Variants in NCOA3 observed in about 807,000 individuals in gnomAD.
NCOA3 encodes the protein nuclear receptor coactivator 3, also known as CBP-interacting protein.
NCOA3 carries 51 observed loss-of-function variants against 158.8 expected under a neutral mutation model. The observed-to-expected ratio is 0.32, with a 90% CI of 0.26 to 0.41. The LOEUF is 0.41. Ranked by LOEUF, NCOA3 falls within the 10% of genes least tolerant of loss-of-function variation. The pLI, the probability that NCOA3 is intolerant of heterozygous loss-of-function variation, is 1.00. For missense variants in NCOA3, 1,510 were observed against 1,746.6 expected (o/e 0.86, Z 2.41); for synonymous variants, 537 against 592.4 (o/e 0.91, Z 1.36).
intron 17 of NCOA3, among the ~76,000 whole-genome samples, chr20:47,645,361 G>T (rs2086670625): frequency 1.3e-5 from 2 of 151,932 alleles, no homozygotes; most frequent in Admixed American, 1.3e-4. Context: ...ACCATGCTCT[G>T]ATCCCCTACC....
Position 47,656,700 on chromosome 20 carries a change from G to C in NCOA3, c.*3283G>C, listed in dbSNP as rs1312563774. ...TTCTCAGGAATTGACTTATACTCTTGAGAATGAATTCAGTTTCAATCAAGT... is the reference window on the plus strand; with the variant it reads ...TTCTCAGGAATTGACTTATACTCTTCAGAATGAATTCAGTTTCAATCAAGT... On this transcript the variant is annotated 3_prime_UTR_variant, in exon 23 of 23. Coordinates refer to ENST00000371998, the MANE Select transcript of NCOA3 (RefSeq NM_181659.3). 1 of 152,448 alleles carries C rather than the reference G, an allele frequency of 6.6e-6. No individual in the cohort carries two copies. The highest frequency in any genetic ancestry group is 1.5e-5 in the Non-Finnish European group (1 of 68,014). 9.4% of individuals were successfully genotyped at this position (152,448 alleles called of 1,614,324 possible).
intron 2 of NCOA3, among the ~76,000 whole-genome samples, chr20:47,615,473 CTT>C (rs1177352371): frequency 6.6e-6 from 1 of 152,164 alleles, no homozygotes; most frequent in Admixed American, 6.5e-5. Flanking sequence ...TATAATCAAA[CTT>C]TTTCCCTCCT....
At chr20:47,648,665 A>T (rs1385544723) in intron 18 of NCOA3, among the ~76,000 whole-genome samples, 3 of 151,876 alleles carry the variant, frequency 2.0e-5, no homozygotes, top group Admixed American at 2.0e-4. Flanking sequence ...GGGTTTCTTC[A>T]TGTTGCCCAG....
At position 47,635,668 on chromosome 20, in the gene NCOA3, C is replaced by T. The variant is rs746670862; in HGVS notation, c.1459C>T (p.Arg487Cys). ...QQNIMISPRN[R>C]GSPKIASHQF... ...GAATATCATGATTTCTCCTCGTAAT[C>T]GTGGGAGTCCAAAGATAGCCTCACA... is the stretch of plus-strand genomic sequence containing the variant. The change falls in exon 11 of 23, where the codon CGT becomes TGT. Residue 487 changes from arginine (R) to cysteine (C), a missense_variant. Physicochemically the swap from Arg to Cys is radical, Grantham distance 180 (BLOSUM62 -3). Coordinates refer to ENST00000371998, the MANE Select transcript of NCOA3 (RefSeq NM_181659.3). The T allele has an allele frequency of 3.1e-6, 5 of 1,614,014 alleles. No homozygotes were observed. Among genetic ancestry groups the T allele is most frequent in the Admixed American group, 3.3e-5 (2 of 60,000 alleles).
At chr20:47,605,016 T>C (rs2085921378) in intron 2 of NCOA3, among the ~76,000 whole-genome samples, 1 of 152,088 alleles carries the variant, frequency 6.6e-6, no homozygotes, top group African/African-American at 2.4e-5. Context: ...TACAGGCGCA[T>C]GCCACTACCC....
intron 1 of NCOA3, among the ~76,000 whole-genome samples, chr20:47,519,301 G>T (rs112557844): frequency 6.6e-6 from 1 of 150,954 alleles, no homozygotes; most frequent in Admixed American, 6.6e-5. Context: ...GCGTGGTGGC[G>T]TGTGCCTGTA....
At position 47,625,362 on chromosome 20, in the gene NCOA3, C is replaced by T. The variant is rs761966879; in HGVS notation, c.257-19C>T. On this transcript the variant is annotated intron_variant, in intron 4 of 22. Coordinates refer to ENST00000371998, the MANE Select transcript of NCOA3 (RefSeq NM_181659.3). Reference sequence around the variant, plus strand: ...AACTGATAGTGTGTTATTCGTTATACCACCTTCTGTCTTTTCAGGAAAAAC... The same window carrying T: ...AACTGATAGTGTGTTATTCGTTATATCACCTTCTGTCTTTTCAGGAAAAAC... 8.5e-6 allele frequency: 13 copies of T among 1,537,188 alleles called. No homozygotes were observed. In the Admixed American group the frequency reaches 1.0e-4, roughly 12 times the overall value.
rs2086812715 is a variant in NCOA3, at chr20:47,652,483, C to T, written c.4024C>T (p.Pro1342Ser). ...PNAMMSSRMG[P>S]SQNPMMQHPQ... Reference sequence around the variant, plus strand: ...TGCAATGATGTCGTCAAGAATGGGTCCCTCCCAGAATCCCATGATGCAACA... The same window carrying T: ...TGCAATGATGTCGTCAAGAATGGGTTCCTCCCAGAATCCCATGATGCAACA... The change falls in exon 21 of 23, where the codon CCC (proline) becomes TCC (serine). Residue 1342 changes from proline to serine, a missense_variant. Coordinates refer to ENST00000371998, the MANE Select transcript of NCOA3 (RefSeq NM_181659.3). 2 of 1,613,976 alleles carry T rather than the reference C, an allele frequency of 1.2e-6. No individual in the cohort carries two copies. The highest frequency in any genetic ancestry group is 1.1e-5 in the South Asian group (1 of 91,074).
At chr20:47,522,023 C>G (rs2084342818) in intron 1 of NCOA3, among the ~76,000 whole-genome samples, 2 of 150,366 alleles carry the variant, frequency 1.3e-5, no homozygotes, top group African/African-American at 4.9e-5. Flanking sequence ...TCCATGAACA[C>G]ATTGTATATC....
intron 1 of NCOA3, among the ~76,000 whole-genome samples, chr20:47,549,302 A>T (rs2084891616): frequency 6.6e-6 from 1 of 151,910 alleles, no homozygotes; most frequent in South Asian, 2.1e-4. Context: ...TGAGAGGATC[A>T]CTTAAGCCCA....
At chr20:47,539,890 A>G (rs2146125904) in intron 1 of NCOA3, among the ~76,000 whole-genome samples, 1 of 152,356 alleles carries the variant, frequency 6.6e-6, no homozygotes, top group East Asian at 1.9e-4. Context: ...ACTGCCAATA[A>G]CATGACATAT....
chr20:47,643,742 T>A (rs1308644459), intron 17 of NCOA3, among the ~76,000 whole-genome samples: 1 of 152,122 alleles, frequency 6.6e-6, no homozygotes, highest in African/African-American at 2.4e-5. Flanking sequence ...GGGTTCTATG[T>A]GTCTGAAAAT....
At chr20:47,644,737 G>A (rs534750484) in intron 17 of NCOA3, among the ~76,000 whole-genome samples, 7 of 151,492 alleles carry the variant, frequency 4.6e-5, no homozygotes, top group Non-Finnish European at 7.4e-5. Context: ...TCTCCCTATC[G>A]CCCAGGCTGG....
intron 2 of NCOA3, among the ~76,000 whole-genome samples, chr20:47,588,834 G>T (rs1390574120): frequency 6.6e-6 from 1 of 152,018 alleles, no homozygotes; most frequent in Non-Finnish European, 1.5e-5. Flanking sequence ...ATGCCAAAGA[G>T]ATCTTTCCCA....
At chr20:47,547,027 C>T (rs868153428) in intron 1 of NCOA3, among the ~76,000 whole-genome samples, 2 of 152,196 alleles carry the variant, frequency 1.3e-5, no homozygotes, top group African/African-American at 4.8e-5. Context: ...GAGGCCCACC[C>T]TTACCACCCT....
intron 1 of NCOA3, among the ~76,000 whole-genome samples, chr20:47,510,204 G>C (rs2084094365): frequency 6.6e-6 from 1 of 152,042 alleles, no homozygotes; most frequent in South Asian, 2.1e-4. Context: ...AGGCCAAGAT[G>C]AGTGGATCAC....
intron 18 of NCOA3, among the ~76,000 whole-genome samples, 161 bp downstream of exon 18, chr20:47,647,527 TAAG>T (rs1198021138): frequency 1.3e-5 from 2 of 152,232 alleles, no homozygotes; most frequent in Non-Finnish European, 2.9e-5. Flanking sequence ...GGCTCCTTGT[TAAG>T]GAGTAGTTTT....
At chr20:47,625,893 C>T (rs988430678) in intron 5 of NCOA3, among the ~76,000 whole-genome samples, 1 of 152,138 alleles carries the variant, frequency 6.6e-6, no homozygotes, top group Non-Finnish European at 1.5e-5. Flanking sequence ...AGTGTGATGA[C>T]TATATAGCAC....
intron 1 of NCOA3, among the ~76,000 whole-genome samples, chr20:47,567,083 C>G (rs1025683786): frequency 1.3e-5 from 2 of 151,760 alleles, no homozygotes; most frequent in African/African-American, 4.8e-5. Flanking sequence ...GAGTCTTGCT[C>G]TGTCACCAGG....
Sources: gnomAD v4.1 joint callset for allele counts (sites outside exome capture counted in the v4.1 genomes callset) on GRCh38, gnomAD v4.1.1 for gene constraint, MANE v1.5 for transcripts, NCBI Gene and HGNC (gene_info 2026-07-23, HGNC 2026-07-21) for gene names.